The following TSPEAR variants were observed in gnomAD, a reference collection of about 807,000 sequenced individuals.
TSPEAR encodes thrombospondin-type laminin G domain and EAR repeat-containing protein.
TSPEAR carries 69 observed loss-of-function variants against 71.6 expected under a neutral mutation model. The observed-to-expected ratio is 0.96, with a 90% CI of 0.79 to 1.18. The LOEUF (loss-of-function observed/expected upper bound fraction) is 1.18, where lower values mean the gene tolerates loss of function less well. Among genes scored for constraint, TSPEAR ranks in the 50% most tolerant of loss-of-function variants. The pLI, the probability that TSPEAR is intolerant of heterozygous loss-of-function variation, is 0.00. For synonymous variants in TSPEAR, 402 were observed against 387.2 expected, an observed-to-expected ratio of 1.04 and a Z score of -0.45; for missense variants, 971 against 894.9, an observed-to-expected ratio of 1.09 and a Z score of -1.09.
chr21:44,598,192 C>T (rs1555927869), intron 1 of TSPEAR, among the ~76,000 whole-genome samples: 1 of 152,198 alleles, frequency 6.6e-6, no homozygotes, highest in African/African-American at 2.4e-5. Context: ...AAGACTGGCT[C>T]TCTAGTTTCC....
At chr21:44,658,066 C>T in intron 1 of TSPEAR, 1 of 1,611,742 alleles carries the variant, frequency 6.2e-7, no homozygotes, top group Non-Finnish European at 8.5e-7. Context: ...TGCCCGTGAG[C>T]TGCCAGTCCT....
chr21:44,704,456 C>T (rs1019314793), intron 1 of TSPEAR, among the ~76,000 whole-genome samples: 2 of 152,220 alleles, frequency 1.3e-5, no homozygotes, highest in East Asian at 1.9e-4. Context: ...CCTGACCTGC[C>T]AGAGCTGTTG....
chr21:44,651,842 T>C (rs965792687), intron 1 of TSPEAR, among the ~76,000 whole-genome samples: 1 of 152,166 alleles, frequency 6.6e-6, no homozygotes, highest in South Asian at 2.1e-4. Context: ...TTCACCTCTA[T>C]GGACTAAGGG....
At chr21:44,633,050 T>TA (rs1480469887) in intron 1 of TSPEAR, among the ~76,000 whole-genome samples, 1 of 152,208 alleles carries the variant, frequency 6.6e-6, no homozygotes, top group Non-Finnish European at 1.5e-5. Flanking sequence ...TAGTCTTTTT[T>TA]ATCTATATAG....
At chr21:44,580,410 C>T (rs781937002) in intron 1 of TSPEAR, 20 of 1,612,836 alleles carry the variant, frequency 1.2e-5, no homozygotes, top group Non-Finnish European at 1.5e-5. Context: ...GGGCTGGGCT[C>T]ACAGGCCGCC....
chr21:44,582,939 C>T (rs1979093192), intron 1 of TSPEAR, among the ~76,000 whole-genome samples: 1 of 152,200 alleles, frequency 6.6e-6, no homozygotes, highest in Admixed American at 6.5e-5. Flanking sequence ...TCTCCTCCCT[C>T]AGCCTCCCGA....
intron 1 of TSPEAR, among the ~76,000 whole-genome samples, chr21:44,655,484 C>T (rs1985089973): frequency 6.6e-6 from 1 of 152,192 alleles, no homozygotes; most frequent in Admixed American, 6.5e-5. Flanking sequence ...TGCCCACTTC[C>T]CACGAGTAGC....
At chr21:44,593,000 CTG>C (rs1980101839) in intron 1 of TSPEAR, among the ~76,000 whole-genome samples, 1 of 152,228 alleles carries the variant, frequency 6.6e-6, no homozygotes, top group Non-Finnish European at 1.5e-5. Flanking sequence ...GCAGCTGTAA[CTG>C]TGCCCAGACC....
chr21:44,577,924 G>A (rs587741202), intron 1 of TSPEAR, among the ~76,000 whole-genome samples: 1 of 152,324 alleles, frequency 6.6e-6, no homozygotes, highest in South Asian at 2.1e-4. Context: ...GGAGGTAATT[G>A]AATCATGGGA....
At chr21:44,625,545 A>C (rs1464071219) in intron 1 of TSPEAR, among the ~76,000 whole-genome samples, 11 of 152,252 alleles carry the variant, frequency 7.2e-5, no homozygotes. Flanking sequence ...ATAGCCCAAA[A>C]TGGACCAGTT....
intron 1 of TSPEAR, among the ~76,000 whole-genome samples, chr21:44,652,863 G>A (rs1293138705): frequency 6.6e-6 from 1 of 152,052 alleles, no homozygotes; most frequent in East Asian, 1.9e-4. Context: ...GGGTTAAAAT[G>A]TAGAGTCTTC....
chr21:44,568,844 A>AG (rs1421154627), intron 1 of TSPEAR, among the ~76,000 whole-genome samples: 1 of 152,086 alleles, frequency 6.6e-6, no homozygotes, highest in African/African-American at 2.4e-5. Context: ...AGTCTTGCTG[A>AG]GGGGCCTCCT....
intron 1 of TSPEAR, among the ~76,000 whole-genome samples, chr21:44,667,828 C>A (rs1985867755): frequency 6.6e-6 from 1 of 152,198 alleles, no homozygotes; most frequent in Admixed American, 6.5e-5. Flanking sequence ...GTGATCATCT[C>A]AATTGATATA....
At chr21:44,508,876 T>A (rs781981584) in intron 10 of TSPEAR, 14 of 1,440,098 alleles carry the variant, frequency 9.7e-6, no homozygotes, top group Non-Finnish European at 1.1e-5. Context: ...CGGCTATCCC[T>A]CCGCACGACG....
At chr21:44,517,655 A>C (rs1476796116) in intron 9 of TSPEAR, 1 of 424,674 alleles carries the variant, frequency 2.4e-6, no homozygotes, top group Non-Finnish European at 4.8e-6. Context: ...ATGAGAACTA[A>C]CCCAATATGG....
chr21:44,622,758 T>C (rs1403887529), intron 1 of TSPEAR, among the ~76,000 whole-genome samples: 1 of 152,230 alleles, frequency 6.6e-6, no homozygotes, highest in Non-Finnish European at 1.5e-5. Flanking sequence ...ACAAAGACCC[T>C]ATTTCTATGT....
chr21:44,677,714 A>G, intron 1 of TSPEAR: 1 of 1,429,066 alleles, frequency 7.0e-7, no homozygotes, highest in Non-Finnish European at 9.9e-7. Context: ...GTTGTGAGGC[A>G]GGCTGTTTAA....
Position 44,698,031 on chromosome 21 carries a change from C to T in TSPEAR, c.82+13402G>A, listed in dbSNP as rs1294462897. 9 of 1,458,848 alleles carry T rather than the reference C, an allele frequency of 6.2e-6. No homozygotes were observed. In the Admixed American group the frequency reaches 1.0e-4, roughly 17 times the overall value. The allele number at this position is 1,458,848 out of a possible 1,614,324, so 90.4% of individuals were successfully genotyped here. On this transcript the variant is annotated intron_variant, in intron 1 of 11. Coordinates refer to ENST00000323084, the MANE Select transcript of TSPEAR (RefSeq NM_144991.3). ...AGTCCCCCACCTCTCCCACTACTGG[C>T]CCCTCGGCTGCTCTGGTGTCTGTCT...
chr21:44,549,828 C>T (rs1444948370), intron 2 of TSPEAR, among the ~76,000 whole-genome samples: 5 of 152,340 alleles, frequency 3.3e-5, no homozygotes, highest in South Asian at 2.1e-4. Context: ...GCCCAGCACA[C>T]GGAGCTCTGG....
Sources: allele counts gnomAD v4.1 joint callset (sites outside exome capture counted in the v4.1 genomes callset), GRCh38; gene constraint gnomAD v4.1.1; transcripts MANE v1.5; gene names NCBI Gene and HGNC (gene_info 2026-07-23, HGNC 2026-07-21).